The following FBXL22 variants were observed in gnomAD, a reference collection of about 807,000 sequenced individuals.
The protein encoded by FBXL22 is F-box and leucine rich repeat protein 22, also known as F-box and leucine-rich protein 22.
Under a neutral mutation model 11.7 loss-of-function variants are expected in FBXL22, and 13 were observed. That is an observed-to-expected ratio of 1.11 (90% CI 0.73 to 1.77). The LOEUF (loss-of-function observed/expected upper bound fraction) is 1.77, where lower values mean the gene tolerates loss of function less well. Ranked by LOEUF, FBXL22 falls within the 40% of genes most tolerant of loss-of-function variation. The pLI is 0.00. For synonymous variants in FBXL22, 160 were observed against 144.1 expected (o/e 1.11, Z -0.79); for missense variants, 406 against 320.4 (o/e 1.27, Z -2.04).
At chr15:63,599,836 G>A in intron 1 of FBXL22, 3 of 985,914 alleles carry the variant, frequency 3.0e-6, no homozygotes, top group Non-Finnish European at 2.4e-6. Context: ...AGGGAAAGCG[G>A]GTTAGGACTG....
chr15:63,605,908 G>C (rs941613558), downstream of FBXL22, among the ~76,000 whole-genome samples: 6 of 152,230 alleles, frequency 3.9e-5, no homozygotes, highest in African/African-American at 1.4e-4. Context: ...AGAGAGACCA[G>C]GGCCACAGGC....
downstream of FBXL22, chr15:63,601,624 G>T: frequency 1.9e-6 from 3 of 1,602,830 alleles, no homozygotes; most frequent in East Asian, 2.2e-5. Context: ...TCCTCCTTGC[G>T]GTTTTGCCCG....
intron 1 of FBXL22, chr15:63,599,880 C>T (rs938398370): frequency 2.0e-6 from 2 of 985,636 alleles, no homozygotes; most frequent in African/African-American, 3.5e-5. Flanking sequence ...CTCCTCACAA[C>T]CCCAGTGGTA....
intron 1 of FBXL22, chr15:63,600,463 C>A (rs2067348931): frequency 1.6e-6 from 2 of 1,218,102 alleles, no homozygotes; most frequent in Non-Finnish European, 2.0e-6. Flanking sequence ...GCTCCCAAGG[C>A]TACGAGCCAA....
chr15:63,601,843 GGCTAA>G (rs2067377945), downstream of FBXL22: 2 of 1,105,310 alleles, frequency 1.8e-6, no homozygotes, highest in African/African-American at 3.3e-5. Flanking sequence ...CAGCAGCCCT[GGCTAA>G]GCTTTTGATA....
At chr15:63,598,598 A>C (rs918098093) in intron 1 of FBXL22, among the ~76,000 whole-genome samples, 1 of 152,128 alleles carries the variant, frequency 6.6e-6, no homozygotes, top group African/African-American at 2.4e-5. Context: ...GCTGCCTTTG[A>C]GGAAAAACAC....
At chr15:63,606,875 C>T (rs1382777329), downstream of FBXL22, among the ~76,000 whole-genome samples, 2 of 152,248 alleles carry the variant, frequency 1.3e-5, no homozygotes, top group Middle Eastern at 6.8e-3. Context: ...CTCCTGCCCC[C>T]GAGTCCAGAG....
intron 1 of FBXL22, chr15:63,600,026 C>G: frequency 5.1e-6 from 5 of 985,720 alleles, no homozygotes; most frequent in Non-Finnish European, 6.0e-6. Flanking sequence ...GTCCCCCAAG[C>G]TTTCTGGCCA....
rs1282214666 is a variant in FBXL22, at chr15:63,601,049, C to G, written c.*10C>G. On this transcript the variant is annotated 3_prime_UTR_variant, in exon 2 of 2. Transcript: ENST00000638704. ...GCTGCTGCAGCGCTAGACGCCGCCCCGCCGCTGCCCCCGGGGAAGGAGCGC... is the reference window on the plus strand; with the variant it reads ...GCTGCTGCAGCGCTAGACGCCGCCCGGCCGCTGCCCCCGGGGAAGGAGCGC... 5 of 1,228,012 alleles carry G rather than the reference C, an allele frequency of 4.1e-6. No individual in the cohort carries two copies. Among genetic ancestry groups the G allele is most frequent in the Admixed American group, 4.3e-5 (1 of 23,476 alleles). 76.1% of individuals were successfully genotyped at this position (1,228,012 alleles called of 1,614,324 possible).
At chr15:63,601,737 A>G (rs766416827), downstream of FBXL22, 3 of 1,562,734 alleles carry the variant, frequency 1.9e-6, no homozygotes, top group South Asian at 2.3e-5. Flanking sequence ...ATGCTTACAT[A>G]AACTGCATAG....
downstream of FBXL22, chr15:63,601,696 C>T (rs745484224): frequency 1.1e-5 from 17 of 1,600,560 alleles, no homozygotes; most frequent in South Asian, 1.6e-4. Flanking sequence ...ACCGCACTCG[C>T]GATTGTAGAA....
chr15:63,607,934 A>G, the FBXL22 span, among the ~76,000 whole-genome samples: 4 of 152,190 alleles, frequency 2.6e-5, no homozygotes, highest in African/African-American at 9.7e-5. Context: ...ACACACACAC[A>G]GCACTCAGGG....
intron 1 of FBXL22, chr15:63,599,199 A>AG (rs1343361992): frequency 1.3e-6 from 2 of 1,535,650 alleles, no homozygotes; most frequent in Non-Finnish European, 1.7e-6. Flanking sequence ...CATAGTAGGT[A>AG]CTGATGAACG....
chr15:63,602,585 CAA>C (rs35457809), downstream of FBXL22, among the ~76,000 whole-genome samples: 2,940 of 74,516 alleles, frequency 0.039, 23 homozygotes, highest in African/African-American at 0.052. Flanking sequence ...ACTCTTGTCT[CAA>C]AAAAAAAAAA....
chr15:63,601,230 A>G lies in FBXL22; in HGVS notation c.*191A>G. 2 of 1,497,286 alleles carry G rather than the reference A, an allele frequency of 1.3e-6. No individual in the cohort carries two copies. Among genetic ancestry groups the G allele is most frequent in the South Asian group, 2.6e-5 (2 of 76,488 alleles). 92.8% of individuals were successfully genotyped at this position (1,497,286 alleles called of 1,614,324 possible). On this transcript the variant is annotated 3_prime_UTR_variant, in exon 2 of 2. Coordinates refer to ENST00000638704, the MANE Select transcript of FBXL22 (RefSeq NM_001367807.1). ...AGGATAAACGCAAGATTAAATGGATATTTGGAAAACACTCGGCTGGTTCTC... is the reference window on the plus strand; with the variant it reads ...AGGATAAACGCAAGATTAAATGGATGTTTGGAAAACACTCGGCTGGTTCTC...
In FBXL22 at chr15:63,600,914, C is replaced by A; in HGVS notation, c.571C>A (p.Arg191Ser). 1 of 1,215,692 alleles carries A rather than the reference C, an allele frequency of 8.2e-7. No individual in the cohort carries two copies. Among genetic ancestry groups the A allele is most frequent in the Non-Finnish European group, 1.0e-6 (1 of 977,584 alleles). 75.3% of individuals were successfully genotyped at this position (1,215,692 alleles called of 1,614,324 possible). ...FCRNVSAAGLRRLRAACPRLA... is the reference protein window; with the variant it reads ...FCRNVSAAGLSRLRAACPRLA... ...CCGCAACGTGAGCGCGGCCGGCCTG[C>A]GCCGCCTGCGCGCCGCGTGCCCGCG... Residue 191 changes from arginine to serine, a missense_variant, in exon 2 of 2, where the codon CGC becomes AGC. By Grantham distance (110) the Arg-to-Ser change is moderately radical. Coordinates refer to ENST00000638704, the MANE Select transcript of FBXL22 (RefSeq NM_001367807.1).
chr15:63,602,533 G>C (rs2067386282), downstream of FBXL22: 1 of 141,790 alleles, frequency 7.1e-6, no homozygotes, highest in Admixed American at 7.6e-5. Flanking sequence ...CTTGCAGTGA[G>C]CCAAGATCGT....
At chr15:63,603,192 A>G (rs2067394276), downstream of FBXL22, among the ~76,000 whole-genome samples, 1 of 152,194 alleles carries the variant, frequency 6.6e-6, no homozygotes, top group Non-Finnish European at 1.5e-5. Context: ...CAACCTGACC[A>G]TTGTTAAAAT....
At chr15:63,601,599 G>C, downstream of FBXL22, 7 of 1,582,698 alleles carry the variant, frequency 4.4e-6, no homozygotes, top group Non-Finnish European at 6.0e-6. Context: ...CGGGCAGAAG[G>C]AGCCACCGAG....
Sources: allele counts gnomAD v4.1 joint callset (sites outside exome capture counted in the v4.1 genomes callset), GRCh38; gene constraint gnomAD v4.1.1; transcripts MANE v1.5; gene names NCBI Gene and HGNC (gene_info 2026-07-23, HGNC 2026-07-21).